The following DCDC1 variants were observed in gnomAD, a reference collection of about 807,000 sequenced individuals.
DCDC1 encodes the protein doublecortin domain containing 1, also known as doublecortin domain-containing protein 1.
DCDC1 carries 200 observed loss-of-function variants against 178.3 expected under a neutral mutation model. The observed-to-expected ratio is 1.12, with a 90% CI of 1.00 to 1.26. The LOEUF is 1.26. Among genes scored for constraint, DCDC1 ranks in the 50% most tolerant of loss-of-function variants. The pLI, the probability that DCDC1 is intolerant of heterozygous loss-of-function variation, is 0.00. For synonymous variants in DCDC1, 690 were observed against 604.8 expected, an observed-to-expected ratio of 1.14 and a Z score of -2.07; for missense variants, 1,983 against 1,749.2, an observed-to-expected ratio of 1.13 and a Z score of -2.38.
intron 21 of DCDC1, chr11:30,943,094 T>C (rs1244241122): frequency 6.6e-6 from 1 of 152,120 alleles, no homozygotes; most frequent in African/African-American, 2.4e-5. Context: ...TGCATGTCTT[T>C]ATTGGTTTTC....
At chr11:31,287,966 C>A (rs1946957946) in intron 7 of DCDC1, among the ~76,000 whole-genome samples, 1 of 150,906 alleles carries the variant, frequency 6.6e-6, no homozygotes, top group Non-Finnish European at 1.5e-5. Context: ...TTCTTCACCA[C>A]TGTAATTTCC....
At chr11:31,337,779 G>A (rs1950346284) in intron 1 of DCDC1, among the ~76,000 whole-genome samples, 1 of 152,126 alleles carries the variant, frequency 6.6e-6, no homozygotes, top group African/African-American at 2.4e-5. Context: ...TCTTTATGTT[G>A]AAGCACAGAG....
chr11:31,313,663 C>T (rs1185689565), intron 3 of DCDC1, among the ~76,000 whole-genome samples: 1 of 152,096 alleles, frequency 6.6e-6, no homozygotes, highest in Non-Finnish European at 1.5e-5. Context: ...TTTTGTCTTT[C>T]CCAACTGATA....
chr11:31,278,548 A>T (rs1411995048), intron 7 of DCDC1, among the ~76,000 whole-genome samples: 2 of 152,170 alleles, frequency 1.3e-5, no homozygotes, highest in African/African-American at 4.8e-5. Flanking sequence ...TGGCTAAAGT[A>T]CACAAAATTT....
chr11:30,936,432 G>A (rs1016357481), intron 21 of DCDC1, among the ~76,000 whole-genome samples: 2 of 152,232 alleles, frequency 1.3e-5, no homozygotes, highest in South Asian at 2.1e-4. Context: ...GAGGAAGGGG[G>A]ATGCCAAGGG....
chr11:31,109,681 C>T (rs1959076069), intron 12 of DCDC1, among the ~76,000 whole-genome samples: 1 of 152,148 alleles, frequency 6.6e-6, no homozygotes, highest in Admixed American at 6.5e-5. Flanking sequence ...CTGCTGTGCG[C>T]TCGGGTGCAT....
At chr11:31,229,849 A>C (rs1975536365) in intron 9 of DCDC1, among the ~76,000 whole-genome samples, 1 of 152,168 alleles carries the variant, frequency 6.6e-6, no homozygotes, top group Admixed American at 6.6e-5. Context: ...CACTCCAACA[A>C]AGTAGAGATG....
chr11:30,892,375 G>C (rs1447033047), intron 36 of DCDC1, among the ~76,000 whole-genome samples: 5 of 151,932 alleles, frequency 3.3e-5, no homozygotes, highest in Non-Finnish European at 5.9e-5. Context: ...AATGATTCGT[G>C]GTGGGTAAAA....
chr11:31,312,922 T>TGA (rs1174194345), intron 3 of DCDC1: 1 of 152,028 alleles, frequency 6.6e-6, no homozygotes, highest in African/African-American at 2.4e-5. Flanking sequence ...TTTGGGAGGC[T>TGA]GAGGTGGGAG....
intron 21 of DCDC1, among the ~76,000 whole-genome samples, chr11:30,934,187 T>TA (rs1464062956): frequency 3.9e-5 from 6 of 152,128 alleles, no homozygotes; most frequent in Admixed American, 3.9e-4. Context: ...TCAAACCCAG[T>TA]AGGTATTTGG....
chr11:30,884,794 T>TA (rs911465457), intron 36 of DCDC1, among the ~76,000 whole-genome samples: 1 of 151,856 alleles, frequency 6.6e-6, no homozygotes, highest in African/African-American at 2.4e-5. Context: ...TTAGTATATG[T>TA]AAAAAAATAC....
At chr11:31,196,099 T>C (rs158138) in intron 9 of DCDC1, among the ~76,000 whole-genome samples, 105,591 of 151,864 alleles carry the variant, frequency 0.7, 37,715 homozygotes, top group East Asian at 0.96. Flanking sequence ...TCTCAACTTT[T>C]CCTTCCTGTT....
At chr11:30,985,739 T>C (rs1950607132) in intron 20 of DCDC1, among the ~76,000 whole-genome samples, 1 of 152,150 alleles carries the variant, frequency 6.6e-6, no homozygotes, top group African/African-American at 2.4e-5. Flanking sequence ...TTCAAACACA[T>C]GATCATCTGA....
intron 10 of DCDC1, among the ~76,000 whole-genome samples, chr11:31,134,023 A>G (rs1442777429): frequency 6.6e-6 from 1 of 152,120 alleles, no homozygotes. Context: ...CAAATTTTTA[A>G]TAGCTTCCTA....
chr11:31,361,606 G>A (rs1951712874), intron 1 of DCDC1, among the ~76,000 whole-genome samples: 1 of 151,990 alleles, frequency 6.6e-6, no homozygotes, highest in Non-Finnish European at 1.5e-5. Flanking sequence ...CTCAGCCTCT[G>A]AGTAGCTGGC....
chr11:30,909,605 T>C (rs1038303320), intron 28 of DCDC1, among the ~76,000 whole-genome samples: 2 of 152,076 alleles, frequency 1.3e-5, no homozygotes, highest in Non-Finnish European at 2.9e-5. Context: ...CAAAATGCCT[T>C]CTAGAGAAAT....
chr11:30,945,475 C>T (rs1947958732), intron 21 of DCDC1, among the ~76,000 whole-genome samples: 2 of 151,884 alleles, frequency 1.3e-5, no homozygotes, highest in Admixed American at 1.3e-4. Flanking sequence ...GGGTGGATCA[C>T]TTGAGGTCAG....
intron 11 of DCDC1, among the ~76,000 whole-genome samples, chr11:31,117,620 T>G (rs1346536729): frequency 6.6e-6 from 1 of 151,944 alleles, no homozygotes; most frequent in Non-Finnish European, 1.5e-5. Context: ...AAACTCACTT[T>G]CCATTGTTTT....
intron 28 of DCDC1, among the ~76,000 whole-genome samples, chr11:30,910,989 T>C (rs1945407962): frequency 6.6e-6 from 1 of 152,204 alleles, no homozygotes; most frequent in African/African-American, 2.4e-5. Flanking sequence ...TAGGTGCATC[T>C]AATAGCCATC....
Sources: allele counts gnomAD v4.1 joint callset (sites outside exome capture counted in the v4.1 genomes callset), GRCh38; gene constraint gnomAD v4.1.1; transcripts MANE v1.5; gene names NCBI Gene and HGNC (gene_info 2026-07-23, HGNC 2026-07-21).